The following ABCA13 variants were observed in gnomAD, a reference collection of about 807,000 sequenced individuals.
The protein encoded by ABCA13 is ATP binding cassette subfamily A member 13, also known as ATP-binding cassette sub-family A member 13.
Under a neutral mutation model 478.7 loss-of-function variants are expected in ABCA13, and 476 were observed. The ratio of observed to expected loss-of-function variants is 0.99; its 90% CI spans 0.92 to 1.07. The LOEUF (loss-of-function observed/expected upper bound fraction) is 1.07, where lower values mean the gene tolerates loss of function less well. Ranked by LOEUF, ABCA13 falls within the 50% of genes least tolerant of loss-of-function variation. The pLI is 0.00. For synonymous variants in ABCA13, 2,252 were observed against 2,158.9 expected (o/e 1.04, Z -1.20); for missense variants, 6,060 against 5,910.6 (o/e 1.03, Z -0.83).
intron 42 of ABCA13, among the ~76,000 whole-genome samples, chr7:48,437,301 C>G (rs1822980457): frequency 6.6e-6 from 1 of 151,940 alleles, no homozygotes; most frequent in Non-Finnish European, 1.5e-5. Context: ...TTACTTTCTA[C>G]TTAAAGTTTA....
intron 1 of ABCA13, among the ~76,000 whole-genome samples, chr7:48,177,111 A>G (rs1371263416): frequency 6.6e-6 from 1 of 152,204 alleles, no homozygotes; most frequent in African/African-American, 2.4e-5. Flanking sequence ...ATTGAAAAAA[A>G]ATTTACAGAT....
chr7:48,189,611 A>G (rs1345753356), intron 1 of ABCA13, among the ~76,000 whole-genome samples: 4 of 152,238 alleles, frequency 2.6e-5, no homozygotes, highest in Admixed American at 2.0e-4. Context: ...TTTTCTTCCA[A>G]TAATATTTTC....
In ABCA13 at chr7:48,329,615, G is replaced by GTCCATCCA. The variant is rs1260282521; in HGVS notation, c.10000-5793_10000-5786dup. 2.1e-5 allele frequency among the ~76,000 whole-genome samples: 3 copies of GTCCATCCA among 145,748 alleles called. No individual in the cohort carries two copies. In the South Asian group the frequency reaches 6.6e-4, roughly 32 times the overall value. ...CATCCATCCACACATCCATCCATCT[G>GTCCATCCA]TCCATCCATCCATCCATCCATGCAT... On this transcript the variant is annotated intron_variant, in intron 27 of 61. Coordinates refer to ENST00000435803, the MANE Select transcript of ABCA13 (RefSeq NM_152701.5).
chr7:48,253,877 T>TATTTCTTTTACCTCA, intron 15 of ABCA13, among the ~76,000 whole-genome samples: 1 of 152,252 alleles, frequency 6.6e-6, no homozygotes, highest in African/African-American at 2.4e-5. Flanking sequence ...TTTCTTTAAA[T>TATTTCTTTTACCTCA]ATTTCTTTTA....
At chr7:48,589,403 C>T (rs1199755023) in intron 57 of ABCA13, among the ~76,000 whole-genome samples, 3 of 152,056 alleles carry the variant, frequency 2.0e-5, no homozygotes, top group Non-Finnish European at 2.9e-5. Flanking sequence ...GCCCAATTCC[C>T]CTCCTCTCAG....
At chr7:48,450,476 TA>T (rs2129182591) in intron 42 of ABCA13, among the ~76,000 whole-genome samples, 1 of 152,344 alleles carries the variant, frequency 6.6e-6, no homozygotes, top group South Asian at 2.1e-4. Context: ...CTTTTTAAAT[TA>T]AAACCTTCCA....
intron 57 of ABCA13, among the ~76,000 whole-genome samples, chr7:48,589,622 A>T (rs1475431592): frequency 6.6e-6 from 1 of 152,200 alleles, no homozygotes; most frequent in African/African-American, 2.4e-5. Context: ...GTAATACAGC[A>T]TCGTTATCTA....
rs192392283 is a variant in ABCA13, at chr7:48,342,013, A to G, written c.10204+3558A>G. Among the ~76,000 whole-genome samples the G allele has an allele frequency of 4.0e-5, 6 of 150,430 alleles. No homozygotes were observed. The East Asian group carries it at 1.2e-3, about 29-fold the overall frequency. On this transcript the variant is annotated intron_variant, in intron 29 of 61. Coordinates refer to ENST00000435803, the MANE Select transcript of ABCA13 (RefSeq NM_152701.5). ...TTAACTGCATCTCACTAATTTTGAT[A>G]TCTTGTATTTTCACTCTCATTCAGT...
chr7:48,298,296 A>C, intron 22 of ABCA13, 70 bp from the exon 23 acceptor site: 5 of 1,404,194 alleles, frequency 3.6e-6, no homozygotes, highest in Non-Finnish European at 4.8e-6. Context: ...GTAATATCAA[A>C]TTTTGTTTTC....
intron 21 of ABCA13, among the ~76,000 whole-genome samples, chr7:48,296,159 G>T (rs1799335643): frequency 6.6e-6 from 1 of 152,202 alleles, no homozygotes; most frequent in African/African-American, 2.4e-5. Flanking sequence ...GGAGGCTGAT[G>T]TGGGAGAATC....
chr7:48,344,928 A>C (rs1398123186), intron 29 of ABCA13, among the ~76,000 whole-genome samples: 1 of 152,180 alleles, frequency 6.6e-6, no homozygotes, highest in Non-Finnish European at 1.5e-5. Flanking sequence ...TTCCTCCCAG[A>C]GGAGGGAGAT....
At chr7:48,425,531 G>A (rs1323191319) in intron 41 of ABCA13, among the ~76,000 whole-genome samples, 1 of 152,058 alleles carries the variant, frequency 6.6e-6, no homozygotes, top group Non-Finnish European at 1.5e-5. Flanking sequence ...CTCATCTTAA[G>A]CAAGGATAAT....
At chr7:48,307,118 C>G (rs1377224351) in intron 23 of ABCA13, among the ~76,000 whole-genome samples, 2 of 152,102 alleles carry the variant, frequency 1.3e-5, no homozygotes, top group African/African-American at 2.4e-5. Context: ...AAATAAATCT[C>G]TCTCAATGTA....
At chr7:48,616,377 A>G (rs991251471) in intron 59 of ABCA13, among the ~76,000 whole-genome samples, 19 of 152,186 alleles carry the variant, frequency 1.2e-4, no homozygotes, top group African/African-American at 4.3e-4. Context: ...TACTCTGCCC[A>G]TCTTTAATAA....
At chr7:48,212,473 A>T (rs770951337) in intron 3 of ABCA13, among the ~76,000 whole-genome samples, 1 of 152,152 alleles carries the variant, frequency 6.6e-6, no homozygotes, top group Non-Finnish European at 1.5e-5. Context: ...TCTTGGGATA[A>T]ATGTTTAGTG....
At chr7:48,397,443 A>G (rs1047695196) in intron 38 of ABCA13, among the ~76,000 whole-genome samples, 9 of 152,224 alleles carry the variant, frequency 5.9e-5, no homozygotes, top group Admixed American at 5.9e-4. Context: ...CAAAGTGTCA[A>G]AAAACTCCTT....
intron 15 of ABCA13, among the ~76,000 whole-genome samples, chr7:48,267,586 T>C (rs942372909): frequency 6.6e-6 from 1 of 152,164 alleles, no homozygotes; most frequent in South Asian, 2.1e-4. Flanking sequence ...TTTGCCTTTT[T>C]TTGAGCATGT....
In ABCA13 at chr7:48,528,275, A is replaced by G. The variant is rs1269633547; in HGVS notation, c.14284A>G (p.Thr4762Ala). The G allele has an allele frequency of 6.3e-7, 1 of 1,579,598 alleles. No homozygotes were observed. Among genetic ancestry groups the G allele is most frequent in the Middle Eastern group, 1.7e-4 (1 of 6,012 alleles). ...AGGGGTGAATGGAGCTGGGAAGAGC[A>G]CGACTTTCAAAATGCTGAATGGTGA... Reference protein sequence around the residue: ...LLGVNGAGKSTTFKMLNGEVS... With the variant: ...LLGVNGAGKSATFKMLNGEVS... Residue 4762 changes from threonine to alanine, a missense_variant, in exon 55 of 62, where the codon ACG (threonine) becomes GCG (alanine). Thr to Ala is a moderately conservative substitution (Grantham distance 58, BLOSUM62 0). Transcript: ENST00000435803.
At chr7:48,179,295 T>C (rs974343606) in intron 1 of ABCA13, among the ~76,000 whole-genome samples, 11 of 152,248 alleles carry the variant, frequency 7.2e-5, no homozygotes, top group Non-Finnish European at 1.3e-4. Flanking sequence ...CTGGTCCTCG[T>C]GAAAAGCACA....
Sources: allele counts gnomAD v4.1 joint callset (sites outside exome capture counted in the v4.1 genomes callset), GRCh38; gene constraint gnomAD v4.1.1; transcripts MANE v1.5; gene names NCBI Gene and HGNC (gene_info 2026-07-23, HGNC 2026-07-21).